Variants in COBL observed in about 807,000 individuals in gnomAD.
COBL encodes cordon-bleu WH2 repeat protein, also known as protein cordon-bleu.
In COBL, 51 loss-of-function variants were observed where a neutral mutation model predicts 98.8. That is an observed-to-expected ratio of 0.52 (90% confidence interval 0.41 to 0.65). The LOEUF (loss-of-function observed/expected upper bound fraction) is 0.65, where lower values mean the gene tolerates loss of function less well. COBL is among the 30% of genes least tolerant of loss of function. The pLI, the probability that COBL is intolerant of heterozygous loss-of-function variation, is 0.00. For missense variants in COBL, 1,617 were observed against 1,617.5 expected, an observed-to-expected ratio of 1.00 and a Z score of 0.01; for synonymous variants, 634 against 651.7, an observed-to-expected ratio of 0.97 and a Z score of 0.41.
Position 51,044,926 on chromosome 7 carries a change from T to C in COBL, c.1097-1234A>G, listed in dbSNP as rs145834923. On this transcript the variant is annotated intron_variant, in intron 7 of 12. Coordinates refer to ENST00000265136, the MANE Select transcript of COBL (RefSeq NM_015198.5). ...AATGAAAGAACAACAGTTTAAAGAA[T>C]ATACATTTCACTAAAGAGCTCCAAG... Among the ~76,000 whole-genome samples the C allele has an allele frequency of 2.3e-4, 35 of 152,296 alleles. No individual in the cohort carries two copies. In the East Asian group the frequency reaches 6.6e-3, roughly 29 times the overall value.
intron 1 of COBL, among the ~76,000 whole-genome samples, chr7:51,268,501 A>G (rs1057481631): frequency 1.3e-5 from 2 of 152,204 alleles, no homozygotes; most frequent in Non-Finnish European, 2.9e-5. Flanking sequence ...GCTGAGAAGA[A>G]GAGTTACTAA....
intron 7 of COBL, among the ~76,000 whole-genome samples, chr7:51,082,203 A>G (rs894226608): frequency 5.3e-5 from 8 of 152,158 alleles, no homozygotes; most frequent in African/African-American, 1.9e-4. Context: ...AGGGCTGTGC[A>G]CACTCATGTG....
intron 5 of COBL, among the ~76,000 whole-genome samples, chr7:51,147,428 C>G (rs867897969): frequency 6.6e-6 from 1 of 152,120 alleles, no homozygotes; most frequent in Non-Finnish European, 1.5e-5. Flanking sequence ...GAGAGTACAC[C>G]GAACAAAGGA....
intron 6 of COBL, among the ~76,000 whole-genome samples, chr7:51,126,327 C>CA (rs879780136): frequency 6.1e-5 from 9 of 148,754 alleles, no homozygotes; most frequent in Non-Finnish European, 7.5e-5. Flanking sequence ...GACTCCGTCT[C>CA]AAAAAAAAAA....
rs74491093 is a variant in COBL at position 51,282,255 on chromosome 7, T to C, written c.41+34338A>G. Among the ~76,000 whole-genome samples the C allele has an allele frequency of 3.7e-3, 569 of 152,172 alleles. 5 individuals carry two copies. Among genetic ancestry groups the C allele is most frequent in the African/African-American group, 0.013 (521 of 41,558 alleles). On this transcript the variant is annotated intron_variant, in intron 1 of 12. Coordinates refer to ENST00000265136, the MANE Select transcript of COBL (RefSeq NM_015198.5). ...TTTGATGTAACGTAATAGTTTAATATAATTATTTAATGTAAATGGTCTAAA... is the reference window on the plus strand; with the variant it reads ...TTTGATGTAACGTAATAGTTTAATACAATTATTTAATGTAAATGGTCTAAA...
intron 5 of COBL, among the ~76,000 whole-genome samples, chr7:51,177,624 T>C (rs1028663832): frequency 1.3e-4 from 20 of 151,540 alleles, no homozygotes; most frequent in African/African-American, 4.6e-4. Context: ...AATACAAAAA[T>C]TAGCCAGCCA....
At chr7:51,293,106 A>G (rs1801069855) in intron 1 of COBL, among the ~76,000 whole-genome samples, 2 of 152,228 alleles carry the variant, frequency 1.3e-5, no homozygotes, top group Admixed American at 1.3e-4. Context: ...AGGAAGAAAC[A>G]ATTACTTTGG....
In COBL at chr7:51,028,899, T is replaced by C; in HGVS notation, c.2197A>G (p.Ile733Val). 1 of 1,614,192 alleles carries C rather than the reference T, an allele frequency of 6.2e-7. No homozygotes were observed. The change falls in exon 10 of 13, where the codon ATT becomes GTT. Residue 733 changes from isoleucine to valine, a missense_variant. Physicochemically the swap from Ile to Val is conservative, Grantham distance 29. This residue lies in a region of COBL where 1,304 missense variants were observed against 1,282.0 expected (regional missense o/e 1.02). Coordinates refer to ENST00000265136, the MANE Select transcript of COBL (RefSeq NM_015198.5). ...CTCACCAAGTTCCCCAGCTCGTCAA[T>C]CTTAATGGCTCCGGTGGAGAGGGAC... ...DVSLSTGAIK[I>V]DELGNLVSPH...
intron 5 of COBL, among the ~76,000 whole-genome samples, chr7:51,153,965 G>A (rs1697319715): frequency 6.6e-6 from 1 of 152,212 alleles, no homozygotes; most frequent in African/African-American, 2.4e-5. Context: ...CCTCACAGAT[G>A]TGTCCTTCCA....
chr7:51,134,591 T>C (rs1439705565), intron 6 of COBL, among the ~76,000 whole-genome samples: 1 of 152,176 alleles, frequency 6.6e-6, no homozygotes, highest in Non-Finnish European at 1.5e-5. Context: ...ACAATTCTTA[T>C]TAAAAGAAAA....
intron 1 of COBL, among the ~76,000 whole-genome samples, chr7:51,270,045 C>T (rs1428092233): frequency 6.6e-6 from 1 of 152,132 alleles, no homozygotes; most frequent in Non-Finnish European, 1.5e-5. Flanking sequence ...TTTTCAGCTG[C>T]GGCCTATTTA....
intron 1 of COBL, among the ~76,000 whole-genome samples, chr7:51,305,761 G>T (rs140965076): frequency 1.3e-5 from 2 of 151,176 alleles, no homozygotes; most frequent in Non-Finnish European, 2.9e-5. Context: ...ATGGCTGGGC[G>T]TGGTGGCTCA....
In COBL at chr7:51,115,035, T is replaced by C. The variant is rs1424608891; in HGVS notation, c.957+21123A>G. On this transcript the variant is annotated intron_variant, in intron 6 of 12. Transcript: ENST00000265136. The stretch of plus-strand genomic sequence containing the variant: ...GTTTCAGCTTGTGTCAAATGGTAAG[T>C]TGCATTTTTCAAGGAATTTCTCCAT... Among the ~76,000 whole-genome samples the C allele has an allele frequency of 2.6e-5, 4 of 152,216 alleles. No individual in the cohort carries two copies. In the East Asian group the frequency reaches 7.7e-4, roughly 29 times the overall value.
rs1412026645 is a variant in COBL at position 51,156,463 on chromosome 7, C to T, written c.784-20132G>A. The T allele has an allele frequency of 7.1e-6, 7 of 985,026 alleles. No homozygotes were observed. In the South Asian group the frequency reaches 2.4e-4, roughly 33 times the overall value. 61.0% of individuals were successfully genotyped at this position (985,026 alleles called of 1,614,324 possible). On this transcript the variant is annotated intron_variant, in intron 5 of 12. Coordinates refer to ENST00000265136, the MANE Select transcript of COBL (RefSeq NM_015198.5). Reference sequence around the variant, plus strand: ...GGAATCACCCAGCAGGAAGCATCACCCAGAATTATTCAGTTTTATTGGAGG... The same window carrying T: ...GGAATCACCCAGCAGGAAGCATCACTCAGAATTATTCAGTTTTATTGGAGG...
chr7:51,124,623 C>T (rs12719036), intron 6 of COBL, among the ~76,000 whole-genome samples: 42,344 of 152,018 alleles, frequency 0.28, 7,324 homozygotes, highest in Non-Finnish European at 0.4. Context: ...ACACCTATGT[C>T]GTAATCTACC....
chr7:51,193,779 TAACA>T lies in COBL; in HGVS notation c.246-194_246-191del, dbSNP rs570027788. 8.4e-4 allele frequency among the ~76,000 whole-genome samples: 128 copies of T among 152,338 alleles called. 1 individual carries two copies. Among genetic ancestry groups the T allele is most frequent in the African/African-American group, 2.8e-3 (118 of 41,584 alleles). On this transcript the variant is annotated intron_variant, in intron 2 of 12. Transcript: ENST00000265136. ...AGCAATATGTTAACATTTTCAGCAC[TAACA>T]AACAACACTATTGAAAGAGAAAAAT...
At chr7:51,056,700 G>A (rs951501646) in intron 7 of COBL, among the ~76,000 whole-genome samples, 1 of 152,090 alleles carries the variant, frequency 6.6e-6, no homozygotes, top group African/African-American at 2.4e-5. Context: ...CTTGTTCCAA[G>A]ATGAGTTCTC....
At chr7:51,197,546 G>A (rs1170465685) in intron 2 of COBL, among the ~76,000 whole-genome samples, 2 of 152,116 alleles carry the variant, frequency 1.3e-5, no homozygotes, top group Non-Finnish European at 2.9e-5. Context: ...CTGATCCAGT[G>A]CTGAGTTCAG....
chr7:51,172,426 G>A (rs536756256), intron 5 of COBL: 39 of 1,258,816 alleles, frequency 3.1e-5, no homozygotes, highest in African/African-American at 1.2e-4. Flanking sequence ...AGCAATTAGC[G>A]GAAGCACCTG....
Sources: gnomAD v4.1 joint callset for allele counts (sites outside exome capture counted in the v4.1 genomes callset) on GRCh38, gnomAD v4.1.1 for gene constraint, gnomAD v4.1.1 regional missense constraint, MANE v1.5 for transcripts, NCBI Gene and HGNC (gene_info 2026-07-23, HGNC 2026-07-21) for gene names.